ERGIC2: variants seen among roughly 807,000 people sequenced by gnomAD.
The protein encoded by ERGIC2 is endoplasmic reticulum-Golgi intermediate compartment protein 2.
ERGIC2 carries 31 observed loss-of-function variants against 52.5 expected under a neutral mutation model. That is an observed-to-expected ratio of 0.59 (90% confidence interval 0.44 to 0.80). The LOEUF is 0.80. Ranked by LOEUF, ERGIC2 falls within the 30% of genes least tolerant of loss-of-function variation. The pLI, the probability that ERGIC2 is intolerant of heterozygous loss-of-function variation, is 0.00. For missense variants in ERGIC2, 395 were observed against 455.2 expected (o/e 0.87, Z 1.20); for synonymous variants, 129 against 140.6 (o/e 0.92, Z 0.58).
intron 1 of ERGIC2, among the ~76,000 whole-genome samples, chr12:29,378,610 C>T (rs948272187): frequency 6.6e-5 from 10 of 151,486 alleles, no homozygotes; most frequent in African/African-American, 2.4e-4. Context: ...CCCCAACCCC[C>T]TCAATTGTAC....
Position 29,345,348 on chromosome 12 carries a change from C to A in ERGIC2, c.825+95G>T, listed in dbSNP as rs975366475. The A allele has an allele frequency of 7.3e-6, 5 of 688,020 alleles. No homozygotes were observed. The African/African-American group carries it at 9.0e-5, about 12-fold the overall frequency. 42.6% of individuals were successfully genotyped at this position (688,020 alleles called of 1,614,324 possible). A position where few individuals can be genotyped will look rare whatever the true frequency, so the allele number is the denominator to read the frequency against. On this transcript the variant is annotated intron_variant, in intron 11 of 13. Coordinates refer to ENST00000360150, the MANE Select transcript of ERGIC2 (RefSeq NM_016570.3). ...ACAGATTTTTAAATGAGGGAAGACA[C>A]CAAGTAAAACACCACCTTATTTTGT...
At chr12:29,367,782 C>A (rs1477335413) in intron 4 of ERGIC2, among the ~76,000 whole-genome samples, 1 of 151,764 alleles carries the variant, frequency 6.6e-6, no homozygotes, top group Non-Finnish European at 1.5e-5. Flanking sequence ...ATTAGTATAA[C>A]CAAGTGAGTC....
rs968137937 is a variant in ERGIC2, at chr12:29,339,261, A to G, written c.*1895T>C. On this transcript the variant is annotated 3_prime_UTR_variant, in exon 14 of 14. Coordinates refer to ENST00000360150, the MANE Select transcript of ERGIC2 (RefSeq NM_016570.3). ...CGAAAACAATTAAAAATCATATATA[A>G]GTATCAAAATAATTTTTAAAGTCCT... 6.6e-6 allele frequency: 1 copy of G among 152,218 alleles called. No homozygotes were observed. Among genetic ancestry groups the G allele is most frequent in the African/African-American group, 2.4e-5 (1 of 41,460 alleles). The allele number at this position is 152,218 out of a possible 1,614,324, so 9.4% of individuals were successfully genotyped here. A position where few individuals can be genotyped will look rare whatever the true frequency, so the allele number is the denominator to read the frequency against.
chr12:29,348,272 A>G (rs2136854715), intron 10 of ERGIC2, among the ~76,000 whole-genome samples: 1 of 152,218 alleles, frequency 6.6e-6, no homozygotes, highest in Admixed American at 6.5e-5. Context: ...ATATGAATAA[A>G]TCTGAATAGG....
intron 5 of ERGIC2, among the ~76,000 whole-genome samples, chr12:29,362,867 A>T (rs1940306010): frequency 6.6e-6 from 1 of 152,186 alleles, no homozygotes; most frequent in South Asian, 2.1e-4. Flanking sequence ...CATCTATAAA[A>T]CACAACACAG....
chr12:29,357,200 C>T (rs1940219469), intron 7 of ERGIC2, among the ~76,000 whole-genome samples: 1 of 152,104 alleles, frequency 6.6e-6, no homozygotes, highest in Non-Finnish European at 1.5e-5. Flanking sequence ...GAACTCCTGA[C>T]CTCAAATGAT....
At chr12:29,345,805 G>A (rs568650586) in intron 10 of ERGIC2, among the ~76,000 whole-genome samples, 2 of 152,040 alleles carry the variant, frequency 1.3e-5, no homozygotes, top group African/African-American at 4.8e-5. Flanking sequence ...AATTAACTGG[G>A]CATGGTGGTA....
intron 8 of ERGIC2, among the ~76,000 whole-genome samples, chr12:29,352,250 A>G (rs922991850): frequency 6.6e-6 from 1 of 152,252 alleles, no homozygotes; most frequent in African/African-American, 2.4e-5. Context: ...AGCCATATAT[A>G]AACAAATGAG....
chr12:29,337,815 T>C lies in ERGIC2; in HGVS notation c.*3341A>G, dbSNP rs1224979401. On this transcript the variant is annotated 3_prime_UTR_variant, in exon 14 of 14. Coordinates refer to ENST00000360150, the MANE Select transcript of ERGIC2 (RefSeq NM_016570.3). ...AGGAGTTTCATATTAAATTACTTTT[T>C]GGTACTTGAATTACTAACTCAGGAC... The C allele has an allele frequency of 1.3e-5, 2 of 152,214 alleles. No homozygotes were observed. The highest frequency in any genetic ancestry group is 2.9e-5 in the Non-Finnish European group (2 of 68,024). The allele number at this position is 152,214 out of a possible 1,614,324, so 9.4% of individuals were successfully genotyped here.
chr12:29,340,752 T>C lies in ERGIC2; in HGVS notation c.*404A>G. 1 of 404,552 alleles carries C rather than the reference T, an allele frequency of 2.5e-6. No homozygotes were observed. Among genetic ancestry groups the C allele is most frequent in the Non-Finnish European group, 4.7e-6 (1 of 212,224 alleles). 25.1% of individuals were successfully genotyped at this position (404,552 alleles called of 1,614,324 possible). A position where few individuals can be genotyped will look rare whatever the true frequency, so the allele number is the denominator to read the frequency against. The stretch of plus-strand genomic sequence containing the variant: ...CATTTTATTCTGACATCATATCTTT[T>C]AAAAACAAAAGGATGCGAACATTTG... On this transcript the variant is annotated 3_prime_UTR_variant, in exon 14 of 14. Transcript: ENST00000360150.
intron 3 of ERGIC2, among the ~76,000 whole-genome samples, chr12:29,368,544 T>C (rs1454202803): frequency 6.6e-6 from 1 of 151,866 alleles, no homozygotes; most frequent in Non-Finnish European, 1.5e-5. Flanking sequence ...CTATAATCAA[T>C]AACTCTAAGC....
chr12:29,374,951 G>C (rs1408695428), intron 1 of ERGIC2, among the ~76,000 whole-genome samples: 8 of 152,060 alleles, frequency 5.3e-5, no homozygotes, highest in Non-Finnish European at 1.0e-4. Flanking sequence ...TTAAGAGCTT[G>C]GATTCTATCC....
At chr12:29,346,616 C>A (rs550950289) in intron 10 of ERGIC2, among the ~76,000 whole-genome samples, 6 of 152,064 alleles carry the variant, frequency 3.9e-5, no homozygotes, top group Non-Finnish European at 5.9e-5. Context: ...AATTAGCTAG[C>A]CTTTGAATAA....
At chr12:29,343,703 A>AAG (rs2136849127) in intron 11 of ERGIC2, among the ~76,000 whole-genome samples, 1 of 152,308 alleles carries the variant, frequency 6.6e-6, no homozygotes, top group South Asian at 2.1e-4. Context: ...CCCTATTACT[A>AAG]GCACAATACA....
intron 8 of ERGIC2, among the ~76,000 whole-genome samples, chr12:29,355,287 T>A (rs1940187389): frequency 6.6e-6 from 1 of 152,190 alleles, no homozygotes; most frequent in South Asian, 2.1e-4. Context: ...ACTGCTTAAG[T>A]GTGGATTTTC....
intron 10 of ERGIC2, among the ~76,000 whole-genome samples, chr12:29,345,897 T>A (rs770797639): frequency 6.6e-6 from 1 of 151,954 alleles, no homozygotes. Flanking sequence ...CAGTGAGCCA[T>A]GATTGTGCTA....
chr12:29,365,792 A>C (rs1290441268), intron 5 of ERGIC2, among the ~76,000 whole-genome samples: 3 of 152,028 alleles, frequency 2.0e-5, no homozygotes, highest in Non-Finnish European at 4.4e-5. Flanking sequence ...ATAATAGTGT[A>C]ATATGCTGTC....
chr12:29,352,527 G>A (rs1171557970), intron 8 of ERGIC2, among the ~76,000 whole-genome samples: 23 of 152,086 alleles, frequency 1.5e-4, no homozygotes, highest in Admixed American at 1.4e-3. Context: ...GCCGGGCGTG[G>A]TGGTGGGCTA....
chr12:29,372,377 GGAA>G (rs914871853), intron 1 of ERGIC2: 12 of 150,656 alleles, frequency 8.0e-5, no homozygotes, highest in East Asian at 1.9e-4. Flanking sequence ...TAATAATAAT[GGAA>G]GAAGAAGAAG....
Sources: gnomAD v4.1 joint callset for allele counts (sites outside exome capture counted in the v4.1 genomes callset) on GRCh38, gnomAD v4.1.1 for gene constraint, MANE v1.5 for transcripts, NCBI Gene and HGNC (gene_info 2026-07-23, HGNC 2026-07-21) for gene names.